Variants in THSD7A observed in about 807,000 individuals in gnomAD.
THSD7A encodes thrombospondin type-1 domain-containing protein 7A.
Under a neutral mutation model 231.3 loss-of-function variants are expected in THSD7A, and 96 were observed. The observed-to-expected ratio is 0.41, with a 90% CI of 0.35 to 0.49. The LOEUF is 0.49. Among genes scored for constraint, THSD7A ranks in the 20% least tolerant of loss-of-function variants. The probability of loss-of-function intolerance (pLI) is 0.05; values close to 1 mark genes in which losing one functional copy is unlikely to be tolerated. For synonymous variants in THSD7A, 940 were observed against 743.3 expected (o/e 1.26, Z -4.30); for missense variants, 2,290 against 2,070.2 (o/e 1.11, Z -2.06).
At chr7:11,375,966 T>C (rs1197592539) in intron 27 of THSD7A, 88 bp from the exon 28 acceptor site, 3 of 1,261,462 alleles carry the variant, frequency 2.4e-6, no homozygotes, top group African/African-American at 3.0e-5. Context: ...TAAAAGCAAA[T>C]TGATAAACTG....
At chr7:11,664,137 C>T (rs1055902502) in intron 1 of THSD7A, among the ~76,000 whole-genome samples, 6 of 151,674 alleles carry the variant, frequency 4.0e-5, no homozygotes, top group African/African-American at 1.2e-4. Flanking sequence ...TCCCTGCCAC[C>T]CACATCCTTT....
intron 23 of THSD7A, among the ~76,000 whole-genome samples, chr7:11,399,618 C>A (rs1352749449): frequency 6.6e-6 from 1 of 152,202 alleles, no homozygotes; most frequent in Non-Finnish European, 1.5e-5. Context: ...GAGATACCAT[C>A]TCACACCAGT....
chr7:11,511,459 A>C (rs1405537437), intron 6 of THSD7A, among the ~76,000 whole-genome samples: 10 of 152,200 alleles, frequency 6.6e-5, no homozygotes, highest in Non-Finnish European at 1.2e-4. Context: ...GAACCAAAAA[A>C]CAGCCCGCAT....
At position 11,393,207 on chromosome 7, in the gene THSD7A, C is replaced by T. The variant is rs192954900; in HGVS notation, c.4411+8588G>A. ...AGAGGAAGTAACTGGCAGCAATCTT[C>T]GCTGTTCTGCAGCCTCCGTTGGTGA... is the stretch of plus-strand genomic sequence containing the variant. On this transcript the variant is annotated intron_variant, in intron 23 of 27. Coordinates refer to ENST00000423059, the MANE Select transcript of THSD7A (RefSeq NM_015204.3). 1.4e-4 allele frequency among the ~76,000 whole-genome samples: 21 copies of T among 152,302 alleles called. No homozygotes were observed. The East Asian group carries it at 3.5e-3, about 25-fold the overall frequency.
intron 1 of THSD7A, among the ~76,000 whole-genome samples, chr7:11,818,512 A>T (rs529394784): frequency 6.6e-6 from 1 of 152,316 alleles, no homozygotes; most frequent in African/African-American, 2.4e-5. Flanking sequence ...GGCTGACTTA[A>T]CAGCTTGGTT....
intron 2 of THSD7A, among the ~76,000 whole-genome samples, chr7:11,600,146 G>C (rs954565848): frequency 6.6e-6 from 1 of 151,944 alleles, no homozygotes; most frequent in Non-Finnish European, 1.5e-5. Context: ...TGTCCCTCTA[G>C]AGAATCTTGA....
intron 1 of THSD7A, among the ~76,000 whole-genome samples, chr7:11,784,646 T>C (rs1466345438): frequency 6.6e-6 from 1 of 152,094 alleles, no homozygotes; most frequent in Non-Finnish European, 1.5e-5. Flanking sequence ...GAGTAGTATG[T>C]TTTCTGTTCT....
chr7:11,565,683 T>C (rs975397212), intron 4 of THSD7A, among the ~76,000 whole-genome samples: 6 of 152,226 alleles, frequency 3.9e-5, no homozygotes, highest in Non-Finnish European at 7.3e-5. Context: ...ATCTGGCTCT[T>C]GGTTGTCATC....
intron 4 of THSD7A, among the ~76,000 whole-genome samples, chr7:11,568,809 T>C (rs1044494442): frequency 6.6e-6 from 1 of 151,784 alleles, no homozygotes; most frequent in Non-Finnish European, 1.5e-5. Context: ...ATGGCATGAT[T>C]GTATATATAG....
intron 1 of THSD7A, among the ~76,000 whole-genome samples, chr7:11,815,046 TG>T (rs1415080234): frequency 2.0e-5 from 3 of 151,760 alleles, no homozygotes; most frequent in Admixed American, 6.6e-5. Flanking sequence ...TTGAATTTGT[TG>T]TTACATATAC....
At chr7:11,455,360 G>A (rs1412501129) in intron 11 of THSD7A, among the ~76,000 whole-genome samples, 1 of 151,994 alleles carries the variant, frequency 6.6e-6, no homozygotes, top group Non-Finnish European at 1.5e-5. Context: ...ATTTGTTTTA[G>A]AAAAGATTTC....
intron 1 of THSD7A, among the ~76,000 whole-genome samples, chr7:11,723,953 C>A (rs79549258): frequency 0.14 from 20,908 of 151,804 alleles, 1,877 homozygotes; most frequent in South Asian, 0.21. Context: ...ACTCTAGATG[C>A]TGAATTGAGA....
chr7:11,413,242 A>G (rs1182231702), intron 17 of THSD7A, among the ~76,000 whole-genome samples: 2 of 152,126 alleles, frequency 1.3e-5, no homozygotes, highest in East Asian at 1.9e-4. Context: ...ATATACATGC[A>G]TATAAACAAT....
intron 23 of THSD7A, among the ~76,000 whole-genome samples, chr7:11,401,405 ATTTTTAAATTATTTAT>A (rs1368124811): frequency 6.6e-6 from 1 of 152,002 alleles, no homozygotes; most frequent in African/African-American, 2.4e-5. Context: ...ATCTGAGTAA[ATTTTTAAATTATTTAT>A]TTATTTATTT....
rs1554275711 is a variant in THSD7A at position 11,769,154 on chromosome 7, T to TATATATATATATATATA, written c.190+62602_190+62603insTATATATATATATATAT. Among the ~76,000 whole-genome samples, 8 of 29,384 alleles carry TATATATATATATATATA rather than the reference T, an allele frequency of 2.7e-4. 1 individual carries two copies. Among genetic ancestry groups the TATATATATATATATATA allele is most frequent in the East Asian group, 6.5e-4 (1 of 1,542 alleles). 19.3% of individuals were successfully genotyped at this position (29,384 alleles called of 152,430 possible). The stretch of plus-strand genomic sequence containing the variant: ...ATATATATATATATATATATATATA[T>TATATATATATATATATA]TTTTTTTTTTTTTTGGTATTTTTGT... On this transcript the variant is annotated intron_variant, in intron 1 of 27. Transcript: ENST00000423059.
chr7:11,532,771 G>A (rs1427827974), intron 6 of THSD7A, among the ~76,000 whole-genome samples: 3 of 152,042 alleles, frequency 2.0e-5, no homozygotes, highest in Non-Finnish European at 4.4e-5. Flanking sequence ...ATATGCTATT[G>A]GAAGAGAAAT....
intron 1 of THSD7A, among the ~76,000 whole-genome samples, chr7:11,823,514 A>G (rs1784932404): frequency 2.0e-5 from 3 of 151,956 alleles, no homozygotes; most frequent in South Asian, 4.1e-4. Context: ...ATTTTGATAG[A>G]GATTGCATTG....
intron 19 of THSD7A, among the ~76,000 whole-genome samples, chr7:11,407,918 TA>T (rs1045119112): frequency 1.1e-4 from 16 of 152,192 alleles, no homozygotes; most frequent in Non-Finnish European, 2.9e-5. Context: ...TGAAATAATA[TA>T]AAGTATCAGC....
intron 6 of THSD7A, among the ~76,000 whole-genome samples, chr7:11,483,795 A>C (rs1260029670): frequency 6.6e-6 from 1 of 152,158 alleles, no homozygotes; most frequent in African/African-American, 2.4e-5. Context: ...TAAAGTCTAT[A>C]GCTAACAAAC....
Sources: allele counts gnomAD v4.1 joint callset (sites outside exome capture counted in the v4.1 genomes callset), GRCh38; gene constraint gnomAD v4.1.1; transcripts MANE v1.5; gene names NCBI Gene and HGNC (gene_info 2026-07-23, HGNC 2026-07-21).